The following RCAN2 variants were observed in gnomAD, a reference collection of about 807,000 sequenced individuals.
The protein encoded by RCAN2 is regulator of calcineurin 2.
A neutral mutation model predicts 23.6 loss-of-function variants in RCAN2; 9 were observed. The observed-to-expected ratio is 0.38, with a 90% confidence interval of 0.23 to 0.67. RCAN2 has a LOEUF of 0.67. Among genes scored for constraint, RCAN2 ranks in the 30% least tolerant of loss-of-function variants. RCAN2 has a pLI of 0.51. For synonymous variants in RCAN2, 109 were observed against 115.7 expected (o/e 0.94, Z 0.37); for missense variants, 273 against 302.3 (o/e 0.90, Z 0.72).
chr6:46,405,456 G>C (rs565751171), intron 2 of RCAN2, among the ~76,000 whole-genome samples: 1 of 152,250 alleles, frequency 6.6e-6, no homozygotes, highest in African/African-American at 2.4e-5. Context: ...TCAGGGCACT[G>C]ATTGGTGCGT....
chr6:46,340,576 T>C (rs1764284602), intron 2 of RCAN2, among the ~76,000 whole-genome samples: 2 of 152,198 alleles, frequency 1.3e-5, no homozygotes, highest in Non-Finnish European at 2.9e-5. Context: ...GCAGAGCCTC[T>C]ATCATTCTAG....
intron 2 of RCAN2, among the ~76,000 whole-genome samples, chr6:46,402,241 G>C (rs1223120966): frequency 6.6e-6 from 1 of 152,114 alleles, no homozygotes; most frequent in Admixed American, 6.5e-5. Flanking sequence ...AAATTTGTGT[G>C]TGTGTGTGTT....
At chr6:46,323,811 A>G (rs1020948636) in intron 2 of RCAN2, among the ~76,000 whole-genome samples, 1 of 152,240 alleles carries the variant, frequency 6.6e-6, no homozygotes, top group Non-Finnish European at 1.5e-5. Flanking sequence ...TACATATGCC[A>G]TATAAGCATA....
At chr6:46,357,337 A>G (rs1228934951) in intron 2 of RCAN2, among the ~76,000 whole-genome samples, 4 of 152,232 alleles carry the variant, frequency 2.6e-5, no homozygotes, top group Non-Finnish European at 5.9e-5. Context: ...TTAAAATTCA[A>G]ATGGAAATTT....
intron 2 of RCAN2, among the ~76,000 whole-genome samples, chr6:46,421,075 T>A (rs1352775010): frequency 6.6e-6 from 1 of 152,174 alleles, no homozygotes; most frequent in East Asian, 1.9e-4. Context: ...GTTTTGATAA[T>A]GAAATGAGAT....
intron 2 of RCAN2, among the ~76,000 whole-genome samples, chr6:46,436,706 T>A (rs1449260595): frequency 6.6e-6 from 1 of 152,198 alleles, no homozygotes; most frequent in African/African-American, 2.4e-5. Flanking sequence ...GAAATTGATG[T>A]TTAGAAAGGT....
intron 2 of RCAN2, among the ~76,000 whole-genome samples, chr6:46,370,750 T>C (rs928949881): frequency 1.3e-5 from 2 of 152,244 alleles, no homozygotes; most frequent in Non-Finnish European, 2.9e-5. Flanking sequence ...TGCTTAGACC[T>C]GAAGGGTTTC....
chr6:46,380,104 T>A (rs761071662), intron 2 of RCAN2, among the ~76,000 whole-genome samples: 2 of 152,210 alleles, frequency 1.3e-5, no homozygotes, highest in African/African-American at 2.4e-5. Context: ...CAGCCCCTTA[T>A]CTGAAGTCTT....
chr6:46,283,600 C>A (rs539860266), intron 2 of RCAN2, among the ~76,000 whole-genome samples: 2 of 152,304 alleles, frequency 1.3e-5, no homozygotes, highest in Non-Finnish European at 2.9e-5. Flanking sequence ...CCCTAGGTAT[C>A]TGTGCAGCCT....
chr6:46,231,274 G>A (rs549990360), intron 4 of RCAN2, among the ~76,000 whole-genome samples: 5 of 152,264 alleles, frequency 3.3e-5, no homozygotes, highest in African/African-American at 1.2e-4. Context: ...ACTACCCAAA[G>A]CTACGACAGG....
chr6:46,300,975 T>C (rs1299332321), intron 2 of RCAN2, among the ~76,000 whole-genome samples: 2 of 152,004 alleles, frequency 1.3e-5, no homozygotes, highest in African/African-American at 4.8e-5. Context: ...TTTGTCATTT[T>C]TTTTTTAAAT....
intron 2 of RCAN2, among the ~76,000 whole-genome samples, chr6:46,410,585 C>G (rs538136493): frequency 6.6e-6 from 1 of 152,252 alleles, no homozygotes; most frequent in South Asian, 2.1e-4. Context: ...TACATAACTA[C>G]TGGAAACAGC....
intron 2 of RCAN2, among the ~76,000 whole-genome samples, chr6:46,303,077 C>A (rs370860813): frequency 6.6e-6 from 1 of 151,892 alleles, no homozygotes; most frequent in South Asian, 2.1e-4. Context: ...GGTGGTGGTA[C>A]AGGAACTGCA....
intron 1 of RCAN2, chr6:46,468,727 T>G: frequency 2.8e-6 from 2 of 726,116 alleles, no homozygotes; most frequent in Non-Finnish European, 3.4e-6. Context: ...TACCCTCAGA[T>G]TCCCTCTCTC....
At position 46,248,792 on chromosome 6, in the gene RCAN2, T is replaced by C; in HGVS notation, c.330A>G (p.Ala110=). 1 of 1,613,550 alleles carries C rather than the reference T, an allele frequency of 6.2e-7. No individual in the cohort carries two copies. Among genetic ancestry groups the C allele is most frequent in the Non-Finnish European group, 8.5e-7 (1 of 1,179,826 alleles). Residue 110 remains alanine, a synonymous_variant, in exon 3 of 5, where the codon GCA becomes GCG. Transcript: ENST00000371374. ...VRINFSNPKS[A]ARARIELHET... ...CATGAAGCTCTATCCTAGCTCGGGC[T>C]GCAGATTTAGGATTGCTGAAGTTTA... is the stretch of plus-strand genomic sequence containing the variant.
intron 2 of RCAN2, among the ~76,000 whole-genome samples, chr6:46,381,747 T>C (rs965479888): frequency 7.2e-5 from 11 of 152,196 alleles, no homozygotes; most frequent in Admixed American, 6.5e-5. Flanking sequence ...CATCCTGTTC[T>C]ACCTGCTCAC....
chr6:46,295,311 A>G (rs1434129259), intron 2 of RCAN2, among the ~76,000 whole-genome samples: 11 of 152,176 alleles, frequency 7.2e-5, no homozygotes, highest in Admixed American at 5.9e-4. Context: ...ATCAGCATAC[A>G]TGTGAAACCT....
intron 2 of RCAN2, among the ~76,000 whole-genome samples, chr6:46,339,014 CAAAAAAAAAAAA>C (rs3997300): frequency 2.1e-5 from 1 of 47,092 alleles, no homozygotes; most frequent in Admixed American, 3.4e-4. Context: ...GACCCTGTCT[CAAAAAAAAAAAA>C]AAAAAAAAAA....
chr6:46,403,418 C>T (rs1046934036), intron 2 of RCAN2, among the ~76,000 whole-genome samples: 31 of 148,774 alleles, frequency 2.1e-4, no homozygotes, highest in Middle Eastern at 6.9e-3. Context: ...GCTAAAAAAA[C>T]AAAATTAGCT....
Sources: gnomAD v4.1 joint callset for allele counts (sites outside exome capture counted in the v4.1 genomes callset) on GRCh38, gnomAD v4.1.1 for gene constraint, MANE v1.5 for transcripts, NCBI Gene and HGNC (gene_info 2026-07-23, HGNC 2026-07-21) for gene names.